The following SLC2A9 variants were observed in gnomAD, a reference collection of about 807,000 sequenced individuals.
SLC2A9 encodes solute carrier family 2, facilitated glucose transporter member 9.
Under a neutral mutation model 50.6 loss-of-function variants are expected in SLC2A9, and 39 were observed. The observed-to-expected ratio is 0.77, with a 90% CI of 0.60 to 1.01. The LOEUF is 1.01. SLC2A9 is among the 50% of genes least tolerant of loss of function. The pLI is 0.00. For missense variants in SLC2A9, 686 were observed against 677.6 expected, an observed-to-expected ratio of 1.01 and a Z score of -0.14; for synonymous variants, 324 against 276.9, an observed-to-expected ratio of 1.17 and a Z score of -1.69.
At chr4:9,828,024 A>C (rs1480308115) in intron 11 of SLC2A9, among the ~76,000 whole-genome samples, 4 of 152,238 alleles carry the variant, frequency 2.6e-5, no homozygotes, top group Non-Finnish European at 5.9e-5. Flanking sequence ...CCACACCCCC[A>C]TCTGCAGGCG....
intron 5 of SLC2A9, among the ~76,000 whole-genome samples, chr4:9,955,486 C>G (rs1212077098): frequency 6.9e-5 from 2 of 29,004 alleles, no homozygotes; most frequent in African/African-American, 3.9e-4. Flanking sequence ...CAGAGCGAGA[C>G]TCCGTCTCAA....
At chr4:9,816,339 T>C (rs532447461) in intron 3 of SLC2A9, among the ~76,000 whole-genome samples, 3 of 152,254 alleles carry the variant, frequency 2.0e-5, no homozygotes, top group African/African-American at 7.2e-5. Context: ...TAAAAACTTA[T>C]GGCTCGACAG....
intron 7 of SLC2A9, among the ~76,000 whole-genome samples, chr4:9,914,510 C>A (rs1455079448): frequency 1.3e-5 from 2 of 152,224 alleles, no homozygotes; most frequent in African/African-American, 2.4e-5. Flanking sequence ...GCGCACCTTA[C>A]GCTTCACAAA....
intron 10 of SLC2A9, among the ~76,000 whole-genome samples, chr4:9,875,978 T>C (rs1162369578): frequency 1.3e-5 from 2 of 152,202 alleles, no homozygotes; most frequent in Non-Finnish European, 2.9e-5. Flanking sequence ...AATTTGCCTG[T>C]TTGGTTCTCA....
At chr4:9,822,091 T>C (rs1724479750), downstream of SLC2A9, among the ~76,000 whole-genome samples, 1 of 152,208 alleles carries the variant, frequency 6.6e-6, no homozygotes, top group African/African-American at 2.4e-5. Context: ...TCATTACTGC[T>C]CTTGGCAAGT....
In SLC2A9 at chr4:9,865,583, T is replaced by C. The variant is rs78891101; in HGVS notation, c.1291+21984A>G. On this transcript the variant is annotated intron_variant, in intron 10 of 11. Coordinates refer to ENST00000264784, the MANE Select transcript of SLC2A9 (RefSeq NM_020041.3). ...AGCACCTTCTGTGTACCAGGCACCA[T>C]ACATATCGCTTAGCAGTCTTTATAT... 2.5e-3 allele frequency among the ~76,000 whole-genome samples: 381 copies of C among 152,354 alleles called. 5 individuals are homozygous for C. Among genetic ancestry groups the C allele is most frequent in the African/African-American group, 8.6e-3 (357 of 41,586 alleles).
chr4:9,923,607 G>A (rs1394153356), intron 6 of SLC2A9, among the ~76,000 whole-genome samples: 1 of 152,212 alleles, frequency 6.6e-6, no homozygotes, highest in African/African-American at 2.4e-5. Context: ...GAGAGAAAGA[G>A]TTAAGCTGCT....
intron 7 of SLC2A9, among the ~76,000 whole-genome samples, chr4:9,916,468 G>T (rs1742865005): frequency 6.6e-6 from 1 of 152,228 alleles, no homozygotes; most frequent in Admixed American, 6.5e-5. Context: ...TTTTGAAACT[G>T]CATGGCATTG....
rs1734888741 is a variant in SLC2A9 at position 9,879,713 on chromosome 4, A to G, written c.1291+7854T>C. ...CACTCCATTTAAACACAAACTCCCC[A>G]TAGAGGACTTAACTTGGTGCCAGGC... On this transcript the variant is annotated intron_variant, in intron 10 of 11. Coordinates refer to ENST00000264784, the MANE Select transcript of SLC2A9 (RefSeq NM_020041.3). 9.1e-6 allele frequency: 9 copies of G among 985,280 alleles called. No individual in the cohort carries two copies. In the South Asian group the frequency reaches 3.8e-4, roughly 41 times the overall value. The allele number at this position is 985,280 out of a possible 1,614,324, so 61.0% of individuals were successfully genotyped here.
intron 5 of SLC2A9, among the ~76,000 whole-genome samples, chr4:9,978,042 C>T (rs532802313): frequency 9.2e-5 from 14 of 152,340 alleles, no homozygotes; most frequent in Admixed American, 3.3e-4. Context: ...CACAGGTGCA[C>T]GGTGTCCTAG....
chr4:9,897,246 A>G (rs1411534110), intron 8 of SLC2A9, among the ~76,000 whole-genome samples: 4 of 152,112 alleles, frequency 2.6e-5, no homozygotes, highest in Admixed American at 6.5e-5. Flanking sequence ...CATGCTCCCA[A>G]AGTTTTTCTC....
In SLC2A9 at chr4:10,004,470, C is replaced by G. The variant is rs113002966; in HGVS notation, c.250-7529G>C. 3.7e-3 allele frequency among the ~76,000 whole-genome samples: 559 copies of G among 152,248 alleles called. 6 individuals carry two copies. Among genetic ancestry groups the G allele is most frequent in the African/African-American group, 0.013 (524 of 41,546 alleles). ...GACGCTGAGAATGTGTTTGCCTGCT[C>G]CACGCTTGCTCCTGTCAGCTGGCCA... On this transcript the variant is annotated intron_variant, in intron 2 of 11. Transcript: ENST00000264784.
chr4:9,983,490 G>A (rs377315889), intron 4 of SLC2A9, among the ~76,000 whole-genome samples: 19 of 152,342 alleles, frequency 1.2e-4, no homozygotes, highest in African/African-American at 4.1e-4. Context: ...CTGGCCCAGG[G>A]TGGGAAGCCA....
chr4:9,895,896 C>A (rs12505366), intron 8 of SLC2A9, among the ~76,000 whole-genome samples: 4,839 of 152,318 alleles, frequency 0.032, 169 homozygotes, highest in Admixed American at 0.11. Flanking sequence ...TTTATCATTT[C>A]ATATTGCTTA....
At chr4:9,909,348 A>T (rs1203453622) in intron 7 of SLC2A9, among the ~76,000 whole-genome samples, 1 of 152,210 alleles carries the variant, frequency 6.6e-6, no homozygotes, top group Admixed American at 6.5e-5. Flanking sequence ...GAAAACCAGG[A>T]TGTGTGGTCT....
At chr4:9,821,022 G>A (rs1724324135) in intron 3 of SLC2A9, among the ~76,000 whole-genome samples, 1 of 152,146 alleles carries the variant, frequency 6.6e-6, no homozygotes, top group Admixed American at 6.5e-5. Context: ...TAGGGGAAAA[G>A]CATTTAGTTT....
chr4:9,882,083 T>C (rs1319301890), intron 10 of SLC2A9, among the ~76,000 whole-genome samples: 5 of 152,252 alleles, frequency 3.3e-5, no homozygotes, highest in African/African-American at 9.6e-5. Context: ...GAAGCAGGAA[T>C]GGCTGGAACC....
At chr4:9,914,625 C>T (rs771793447) in intron 7 of SLC2A9, among the ~76,000 whole-genome samples, 2 of 152,206 alleles carry the variant, frequency 1.3e-5, no homozygotes, top group African/African-American at 4.8e-5. Flanking sequence ...CATCTAACGT[C>T]CCCTCTCTGT....
intron 1 of SLC2A9, among the ~76,000 whole-genome samples, chr4:9,772,273 GCT>G (rs1716923747): frequency 6.6e-6 from 1 of 152,154 alleles, no homozygotes; most frequent in African/African-American, 2.4e-5. Flanking sequence ...GAAGGGGTTG[GCT>G]GGTGGAGCCA....
Sources: gnomAD v4.1 joint callset for allele counts (sites outside exome capture counted in the v4.1 genomes callset) on GRCh38, gnomAD v4.1.1 for gene constraint, MANE v1.5 for transcripts, NCBI Gene and HGNC (gene_info 2026-07-23, HGNC 2026-07-21) for gene names.